The following FAM13A variants were observed in gnomAD, a reference collection of about 807,000 sequenced individuals.
FAM13A encodes the protein family with sequence similarity 13 member A.
Under a neutral mutation model 129.6 loss-of-function variants are expected in FAM13A, and 76 were observed. The observed-to-expected ratio is 0.59, with a 90% confidence interval of 0.49 to 0.71. FAM13A has a LOEUF of 0.71. Ranked by LOEUF, FAM13A falls within the 30% of genes least tolerant of loss-of-function variation. The pLI is 0.00. For synonymous variants in FAM13A, 443 were observed against 449.9 expected (o/e 0.98, Z 0.20); for missense variants, 1,108 against 1,249.3 (o/e 0.89, Z 1.70).
chr4:89,020,888 T>G (rs775784468), intron 2 of FAM13A, among the ~76,000 whole-genome samples: 1 of 152,174 alleles, frequency 6.6e-6, no homozygotes, highest in Non-Finnish European at 1.5e-5. Flanking sequence ...ATGATTGGTA[T>G]AAAACCCAGC....
intron 4 of FAM13A, among the ~76,000 whole-genome samples, chr4:88,982,510 A>C (rs1184116295): frequency 6.6e-6 from 1 of 152,250 alleles, no homozygotes; most frequent in Non-Finnish European, 1.5e-5. Context: ...AAAATTTAAC[A>C]GGAAAATAAT....
At chr4:88,950,208 CTTTT>C (rs11364634) in intron 4 of FAM13A, among the ~76,000 whole-genome samples, 1 of 143,362 alleles carries the variant, frequency 7.0e-6, no homozygotes, top group South Asian at 2.2e-4. Context: ...AAAAATCAGG[CTTTT>C]TTTTTTTTTT....
intron 5 of FAM13A, among the ~76,000 whole-genome samples, chr4:88,931,314 G>A (rs545221670): frequency 6.6e-6 from 1 of 152,260 alleles, no homozygotes; most frequent in South Asian, 2.1e-4. Flanking sequence ...TCCCTTTCTG[G>A]AGCTCCATGT....
Position 89,020,539 on chromosome 4 carries a change from C to G in FAM13A, c.348G>C (p.Leu116=), listed in dbSNP as rs373647665. ...KDGDVCSAAS[L]LKLFLRELPD... ...GCAGCTCCCTCAGAAACAGCTTCAA[C>G]AGACTGGCTGCTGAGCAGACATCAC... Residue 116 remains leucine, a synonymous_variant, in exon 3 of 24, where the codon CTG becomes CTC. Coordinates refer to ENST00000264344, the MANE Select transcript of FAM13A (RefSeq NM_014883.4). 1 of 1,614,140 alleles carries G rather than the reference C, an allele frequency of 6.2e-7. No individual in the cohort carries two copies. Among genetic ancestry groups the G allele is most frequent in the Non-Finnish European group, 8.5e-7 (1 of 1,180,006 alleles).
chr4:88,964,895 T>C, intron 4 of FAM13A, among the ~76,000 whole-genome samples: 1 of 152,126 alleles, frequency 6.6e-6, no homozygotes, highest in South Asian at 2.1e-4. Context: ...CCCAAAGTGC[T>C]GGGATTACAG....
chr4:89,035,126 G>C (rs766886155), intron 1 of FAM13A, among the ~76,000 whole-genome samples: 1 of 152,106 alleles, frequency 6.6e-6, no homozygotes, highest in Non-Finnish European at 1.5e-5. Context: ...TGCAGAAACA[G>C]AAAACCAAAT....
chr4:88,759,680 C>G (rs1257319649), intron 13 of FAM13A, among the ~76,000 whole-genome samples: 1 of 152,028 alleles, frequency 6.6e-6, no homozygotes, highest in South Asian at 2.1e-4. Context: ...ACGCAACTGT[C>G]ACTTGTTTTC....
chr4:89,026,749 T>G (rs1768016678), intron 2 of FAM13A, among the ~76,000 whole-genome samples: 1 of 152,214 alleles, frequency 6.6e-6, no homozygotes, highest in South Asian at 2.1e-4. Context: ...GGTCTCTCCC[T>G]TGACACGTGG....
intron 15 of FAM13A, 110 bp downstream of exon 15, chr4:88,750,314 C>T (rs1192512163): frequency 2.3e-6 from 2 of 864,710 alleles, no homozygotes; most frequent in Non-Finnish European, 3.8e-6. Flanking sequence ...ATATGTTGCT[C>T]CATAGGCTCA....
At chr4:89,056,170 C>T (rs1772175111) in intron 1 of FAM13A, among the ~76,000 whole-genome samples, 1 of 152,136 alleles carries the variant, frequency 6.6e-6, no homozygotes, top group South Asian at 2.1e-4. Context: ...GTGTAATTCT[C>T]ATACAGATAT....
At position 89,020,482 on chromosome 4, in the gene FAM13A, AGG is replaced by A; in HGVS notation, c.403_404del (p.Pro135SerfsTer12). 6.2e-7 allele frequency: 1 copy of A among 1,613,886 alleles called. No homozygotes were observed. On this transcript the variant is annotated frameshift_variant, in exon 3 of 24. Coordinates refer to ENST00000264344, the MANE Select transcript of FAM13A (RefSeq NM_014883.4). LOFTEE classifies it high-confidence loss of function. ...PDSLITSALQ[P>X]RFIQLFQDGR... ...AACCCTGAAAGAGTTGAATGAATCG[AGG>A]CTGCAACGCTGAGGTGATCAGACTG...
intron 4 of FAM13A, among the ~76,000 whole-genome samples, chr4:88,940,751 C>T (rs1295859168): frequency 6.6e-6 from 1 of 152,164 alleles, no homozygotes; most frequent in Non-Finnish European, 1.5e-5. Flanking sequence ...TCGATCAAAT[C>T]AGAGGGCCTC....
At chr4:88,950,532 G>GT (rs1397964665) in intron 4 of FAM13A, among the ~76,000 whole-genome samples, 1 of 152,146 alleles carries the variant, frequency 6.6e-6, no homozygotes, top group African/African-American at 2.4e-5. Flanking sequence ...ACAACAAAGA[G>GT]TAACTCCTAT....
intron 6 of FAM13A, among the ~76,000 whole-genome samples, chr4:88,859,352 T>G (rs796188393): frequency 4.0e-5 from 6 of 151,828 alleles, no homozygotes; most frequent in African/African-American, 1.4e-4. Flanking sequence ...TGAGAGGGGA[T>G]GGAATCATGC....
intron 19 of FAM13A, among the ~76,000 whole-genome samples, chr4:88,743,084 G>A (rs1322157961): frequency 6.6e-6 from 1 of 152,184 alleles, no homozygotes. Context: ...ATATCCAGAT[G>A]TGAAGATCTA....
At position 88,906,543 on chromosome 4, in the gene FAM13A, T is replaced by C; in HGVS notation, c.760-81A>G. ...AAAATTACAAGGTAGTGAAAAACAG[T>C]TTTGAAGAGAGAGCATTTCTGGATT... is the stretch of plus-strand genomic sequence containing the variant. On this transcript the variant is annotated intron_variant, in intron 5 of 23. Transcript: ENST00000264344. 3.3e-6 allele frequency: 3 copies of C among 905,622 alleles called. No homozygotes were observed. The South Asian group carries it at 4.8e-5, about 14-fold the overall frequency. The allele number at this position is 905,622 out of a possible 1,614,324, so 56.1% of individuals were successfully genotyped here.
intron 1 of FAM13A, among the ~76,000 whole-genome samples, chr4:89,030,061 G>T (rs186067079): frequency 2.0e-5 from 3 of 151,386 alleles, no homozygotes; most frequent in Admixed American, 1.3e-4. Context: ...GTCATTTTAA[G>T]GTAGCTTTAA....
At chr4:88,807,392 C>T (rs1401211916) in intron 7 of FAM13A, among the ~76,000 whole-genome samples, 1 of 152,160 alleles carries the variant, frequency 6.6e-6, no homozygotes, top group Non-Finnish European at 1.5e-5. Flanking sequence ...TTAATTATCT[C>T]AATTAGATAC....
At chr4:88,822,529 G>GA in intron 7 of FAM13A, among the ~76,000 whole-genome samples, 1 of 152,232 alleles carries the variant, frequency 6.6e-6, no homozygotes, top group East Asian at 1.9e-4. Context: ...CTTATTCATG[G>GA]AAAATCCTTG....
Sources: gnomAD v4.1 joint callset for allele counts (sites outside exome capture counted in the v4.1 genomes callset) on GRCh38, gnomAD v4.1.1 for gene constraint, MANE v1.5 for transcripts, NCBI Gene and HGNC (gene_info 2026-07-23, HGNC 2026-07-21) for gene names.